The following APPL2 variants were observed in gnomAD, a reference collection of about 807,000 sequenced individuals.
APPL2 encodes adaptor protein, phosphotyrosine interacting with PH domain and leucine zipper 2.
APPL2 carries 84 observed loss-of-function variants against 92.7 expected under a neutral mutation model. The observed-to-expected ratio is 0.91, with a 90% CI of 0.76 to 1.09. The LOEUF (loss-of-function observed/expected upper bound fraction) is 1.09, where lower values mean the gene tolerates loss of function less well. APPL2 is among the 50% of genes least tolerant of loss of function. The pLI, the probability that APPL2 is intolerant of heterozygous loss-of-function variation, is 0.00. For synonymous variants in APPL2, 291 were observed against 291.0 expected (o/e 1.00, Z 0.00); for missense variants, 736 against 824.5 (o/e 0.89, Z 1.31).
intron 3 of APPL2, 70 bp from the exon 4 acceptor site, chr12:105,217,210 C>A: frequency 1.0e-6 from 1 of 990,248 alleles, no homozygotes; most frequent in Non-Finnish European, 1.5e-6. Context: ...GCATCACCTG[C>A]AGAACACGAC....
intron 4 of APPL2, among the ~76,000 whole-genome samples, chr12:105,213,244 T>G (rs919548183): frequency 2.6e-5 from 4 of 152,136 alleles, no homozygotes; most frequent in Non-Finnish European, 5.9e-5. Flanking sequence ...TCCCCAAGAA[T>G]TAAGGGGGTT....
At chr12:105,191,859 C>A (rs1887229345) in intron 14 of APPL2, among the ~76,000 whole-genome samples, 1 of 152,072 alleles carries the variant, frequency 6.6e-6, no homozygotes, top group Admixed American at 6.5e-5. Context: ...CCTTTTCTAC[C>A]CTAAATGCTG....
At chr12:105,187,034 C>CT (rs1886795254) in intron 17 of APPL2, among the ~76,000 whole-genome samples, 1 of 152,006 alleles carries the variant, frequency 6.6e-6, no homozygotes, top group African/African-American at 2.4e-5. Context: ...TGTAGTTTTT[C>CT]TTTTCACTTT....
In APPL2 at chr12:105,208,294, G is replaced by A. The variant is rs998947406; in HGVS notation, c.374-95C>T. 43 of 1,473,948 alleles carry A rather than the reference G, an allele frequency of 2.9e-5. 1 individual carries two copies. The highest frequency in any genetic ancestry group is 6.9e-5 in the South Asian group (6 of 86,504). 91.3% of individuals were successfully genotyped at this position (1,473,948 alleles called of 1,614,324 possible). A position where few individuals can be genotyped will look rare whatever the true frequency, so the allele number is the denominator to read the frequency against. ...TTCCCCTGAAAATAAGAGAATATGC[G>A]TGCAAGGGAAGCCCCTGCACCCTCA... On this transcript the variant is annotated intron_variant, in intron 5 of 20. Coordinates refer to ENST00000258530, the MANE Select transcript of APPL2 (RefSeq NM_018171.5).
At chr12:105,212,939 G>A (rs1203772637) in intron 4 of APPL2, among the ~76,000 whole-genome samples, 3 of 152,236 alleles carry the variant, frequency 2.0e-5, no homozygotes, top group Non-Finnish European at 4.4e-5. Flanking sequence ...CATGGCAGCT[G>A]TATTTGAGGG....
intron 2 of APPL2, among the ~76,000 whole-genome samples, chr12:105,223,189 A>T (rs1438493903): frequency 6.6e-6 from 1 of 152,190 alleles, no homozygotes; most frequent in Non-Finnish European, 1.5e-5. Context: ...GGAAGAATGA[A>T]AAGGGGAAGA....
chr12:105,229,242 A>G lies in APPL2; in HGVS notation c.55-19T>C, dbSNP rs746086857. 4 of 1,604,104 alleles carry G rather than the reference A, an allele frequency of 2.5e-6. No individual in the cohort carries two copies. In the Admixed American group the frequency reaches 5.1e-5, roughly 20 times the overall value. ...AGCGAGTCTGGAAGAAAAGAAGAAAAAAGGTCAATTTCATTTCTAAGTGGA... is the reference window on the plus strand; with the variant it reads ...AGCGAGTCTGGAAGAAAAGAAGAAAGAAGGTCAATTTCATTTCTAAGTGGA... On this transcript the variant is annotated intron_variant, in intron 1 of 20. Transcript: ENST00000258530.
At chr12:105,186,719 A>G (rs1886753556) in intron 17 of APPL2, among the ~76,000 whole-genome samples, 1 of 126,450 alleles carries the variant, frequency 7.9e-6, no homozygotes, top group African/African-American at 4.3e-5. Flanking sequence ...ATCATATCAT[A>G]TATATATCAT....
intron 17 of APPL2, among the ~76,000 whole-genome samples, chr12:105,179,124 T>A (rs78494368): frequency 0.13 from 20,176 of 152,156 alleles, 1,571 homozygotes; most frequent in African/African-American, 0.22. Context: ...CTCCTAATGC[T>A]ATCCCTCCCC....
intron 17 of APPL2, among the ~76,000 whole-genome samples, chr12:105,178,121 A>C (rs1412237662): frequency 6.6e-6 from 1 of 152,178 alleles, no homozygotes; most frequent in South Asian, 2.1e-4. Flanking sequence ...CAGTATTTTA[A>C]GCATCATCTA....
chr12:105,217,951 A>G (rs1889821623), intron 2 of APPL2, among the ~76,000 whole-genome samples: 1 of 152,140 alleles, frequency 6.6e-6, no homozygotes, highest in African/African-American at 2.4e-5. Flanking sequence ...AAATAAAAAC[A>G]TTTTTAATTA....
intron 17 of APPL2, among the ~76,000 whole-genome samples, chr12:105,183,348 G>T (rs1319054947): frequency 6.6e-6 from 1 of 152,182 alleles, no homozygotes; most frequent in Admixed American, 6.5e-5. Flanking sequence ...TTTCTTCACA[G>T]TGCTGATGGT....
chr12:105,196,067 A>AG (rs1555250773), intron 11 of APPL2, among the ~76,000 whole-genome samples: 3 of 151,674 alleles, frequency 2.0e-5, no homozygotes, highest in Non-Finnish European at 4.4e-5. Context: ...ACAAAAAAAA[A>AG]AAAAAGAAAA....
rs942271310 is a variant in APPL2 at position 105,203,683 on chromosome 12, C to T, written c.704+20G>A. 3.2e-5 allele frequency: 52 copies of T among 1,612,734 alleles called. No homozygotes were observed. Among genetic ancestry groups the T allele is most frequent in the Middle Eastern group, 1.6e-4 (1 of 6,080 alleles). ...TGAAAGGCAAGGGGCACACAAGACC[C>T]GGCCGGAGTGCAGCATTACCTTTGA... On this transcript the variant is annotated intron_variant, in intron 9 of 20. Coordinates refer to ENST00000258530, the MANE Select transcript of APPL2 (RefSeq NM_018171.5).
chr12:105,181,728 G>A (rs914652552), intron 17 of APPL2, among the ~76,000 whole-genome samples: 1 of 152,114 alleles, frequency 6.6e-6, no homozygotes, highest in Non-Finnish European at 1.5e-5. Context: ...ATTTCTTCTA[G>A]ATTTTCTAGT....
At chr12:105,177,496 T>C (rs1592749837) in intron 17 of APPL2, 1 of 547,556 alleles carries the variant, frequency 1.8e-6, no homozygotes, top group East Asian at 3.1e-5. Context: ...AGTAGAAGAT[T>C]TAACTTCACA....
chr12:105,219,783 C>A (rs1283853088), intron 2 of APPL2, among the ~76,000 whole-genome samples: 1 of 152,238 alleles, frequency 6.6e-6, no homozygotes, highest in African/African-American at 2.4e-5. Flanking sequence ...ATCTCACTCA[C>A]TGGGCTGATA....
chr12:105,235,696 G>T (rs930227929), intron 1 of APPL2, among the ~76,000 whole-genome samples: 1 of 151,240 alleles, frequency 6.6e-6, no homozygotes, highest in African/African-American at 2.4e-5. Flanking sequence ...AGACTCAGTT[G>T]CAGCTGAGCT....
Position 105,188,349 on chromosome 12 carries a change from C to A in APPL2, c.1558G>T (p.Val520Leu), listed in dbSNP as rs140290194. 1,437 of 1,614,232 alleles carry A rather than the reference C, an allele frequency of 8.9e-4. 1 individual carries two copies. Among genetic ancestry groups the A allele is most frequent in the Non-Finnish European group, 1.1e-3 (1,328 of 1,180,030 alleles). Residue 520 changes from valine (V) to leucine (L), a missense_variant, in exon 17 of 21, where the codon GTA becomes TTA. By Grantham distance (32) the Val-to-Leu change is conservative. Coordinates refer to ENST00000258530, the MANE Select transcript of APPL2 (RefSeq NM_018171.5). ...TEVIYEAMRQ[V>L]LAARAIHNIF... The stretch of plus-strand genomic sequence containing the variant: ...TTATGAATAGCCCGAGCAGCCAATA[C>A]TTGTCTCATCGCTTCATAAATCACT...
Sources: allele counts gnomAD v4.1 joint callset (sites outside exome capture counted in the v4.1 genomes callset), GRCh38; gene constraint gnomAD v4.1.1; transcripts MANE v1.5; gene names NCBI Gene and HGNC (gene_info 2026-07-23, HGNC 2026-07-21).